FER1L6: variants seen among roughly 807,000 people sequenced by gnomAD.
The protein encoded by FER1L6 is fer-1-like protein 6.
Under a neutral mutation model 219.2 loss-of-function variants are expected in FER1L6, and 177 were observed. The observed-to-expected ratio is 0.81, with a 90% CI of 0.71 to 0.91. FER1L6 has a LOEUF of 0.91. FER1L6 is among the 40% of genes least tolerant of loss of function. FER1L6 has a pLI of 0.00. For missense variants in FER1L6, 2,153 were observed against 2,259.9 expected, an observed-to-expected ratio of 0.95 and a Z score of 0.96; for synonymous variants, 768 against 824.3, an observed-to-expected ratio of 0.93 and a Z score of 1.17.
chr8:123,918,639 A>G (rs769828101), intron 1 of FER1L6, among the ~76,000 whole-genome samples: 41 of 152,052 alleles, frequency 2.7e-4, no homozygotes, highest in Non-Finnish European at 3.2e-4. Context: ...TGGCACAATC[A>G]AAGAACACGG....
chr8:123,857,994 C>T (rs1386981501), intron 1 of FER1L6, among the ~76,000 whole-genome samples: 2 of 152,198 alleles, frequency 1.3e-5, no homozygotes, highest in Non-Finnish European at 2.9e-5. Context: ...TTCCTGCAGG[C>T]ATCCCCACAT....
chr8:123,933,378 CTGTGTGTG>C (rs767541659), intron 1 of FER1L6, among the ~76,000 whole-genome samples: 6 of 130,158 alleles, frequency 4.6e-5, no homozygotes, highest in Non-Finnish European at 1.0e-4. Context: ...ATATGTGTGT[CTGTGTGTG>C]TGTGTGTGTG....
intron 39 of FER1L6, among the ~76,000 whole-genome samples, chr8:124,115,045 G>T (rs1479061462): frequency 1.3e-5 from 2 of 151,064 alleles, no homozygotes; most frequent in African/African-American, 4.9e-5. Context: ...ATTGCTGAAG[G>T]CATGTCCATT....
intron 1 of FER1L6, among the ~76,000 whole-genome samples, chr8:123,871,947 A>G (rs1033254000): frequency 6.6e-6 from 1 of 152,194 alleles, no homozygotes; most frequent in Non-Finnish European, 1.5e-5. Flanking sequence ...TTGCATTGCT[A>G]TAAAGAAATA....
Position 123,997,773 on chromosome 8 carries a change from A to G in FER1L6, c.1520-5394A>G, listed in dbSNP as rs144445667. Among the ~76,000 whole-genome samples, 400 of 151,756 alleles carry G rather than the reference A, an allele frequency of 2.6e-3. 1 individual carries two copies. Among genetic ancestry groups the G allele is most frequent in the African/African-American group, 9.1e-3 (376 of 41,386 alleles). On this transcript the variant is annotated intron_variant, in intron 12 of 40. Coordinates refer to ENST00000522917, the MANE Select transcript of FER1L6 (RefSeq NM_001039112.2). ...GTCTTCAAGCTCACTAATTCTTTCC[A>G]CTTAATTCTGCTGTTAAGAGACTCT... is the stretch of plus-strand genomic sequence containing the variant.
chr8:123,985,314 C>A (rs533069015), intron 11 of FER1L6: 8 of 152,154 alleles, frequency 5.3e-5, no homozygotes, highest in Non-Finnish European at 1.0e-4. Flanking sequence ...GACCTGTGTA[C>A]CCTTCACAGC....
At chr8:124,113,403 C>T (rs1001887884) in intron 39 of FER1L6, among the ~76,000 whole-genome samples, 10 of 152,282 alleles carry the variant, frequency 6.6e-5, no homozygotes, top group Admixed American at 6.5e-4. Flanking sequence ...CATTCTGTCA[C>T]TCTACCCCTA....
intron 15 of FER1L6, among the ~76,000 whole-genome samples, chr8:124,015,398 A>C (rs1253441556): frequency 6.6e-6 from 1 of 151,724 alleles, no homozygotes; most frequent in Non-Finnish European, 1.5e-5. Context: ...TCATAATGGA[A>C]CTAATGGAAA....
At chr8:123,911,782 C>T (rs1045661199) in intron 1 of FER1L6, among the ~76,000 whole-genome samples, 11 of 152,160 alleles carry the variant, frequency 7.2e-5, no homozygotes, top group African/African-American at 1.9e-4. Flanking sequence ...TCAAGGCTCC[C>T]GACTCAGGGC....
intron 1 of FER1L6, among the ~76,000 whole-genome samples, chr8:123,947,606 A>G (rs1814559072): frequency 2.6e-5 from 4 of 152,188 alleles, no homozygotes; most frequent in South Asian, 2.1e-4. Flanking sequence ...TTCAACATTC[A>G]TTGAGCCCTG....
At chr8:123,958,653 A>G (rs752564108) in intron 2 of FER1L6, among the ~76,000 whole-genome samples, 1 of 151,984 alleles carries the variant, frequency 6.6e-6, no homozygotes, top group Non-Finnish European at 1.5e-5. Context: ...TATTGGGACT[A>G]TGACTGAGGT....
chr8:123,963,235 A>G (rs201117731), intron 2 of FER1L6, 43 bp from the exon 3 acceptor site: 80 of 1,610,874 alleles, frequency 5.0e-5, no homozygotes, highest in Non-Finnish European at 6.3e-5. Context: ...TTGCCACCAC[A>G]TGTCAATTTC....
Position 123,973,371 on chromosome 8 carries a change from A to G in FER1L6, c.448-63A>G, listed in dbSNP as rs909093836. The G allele has an allele frequency of 2.0e-5, 27 of 1,343,140 alleles. No individual in the cohort carries two copies. The Admixed American group carries it at 4.4e-4, about 22-fold the overall frequency. The allele number at this position is 1,343,140 out of a possible 1,614,324, so 83.2% of individuals were successfully genotyped here. On this transcript the variant is annotated intron_variant, in intron 6 of 40. Transcript: ENST00000522917. ...GCTCCAGACAGGGTCAAAGCTAGAC[A>G]AGGGTCAAGGCCTCTTATCCTCAAG... is the stretch of plus-strand genomic sequence containing the variant.
intron 2 of FER1L6, among the ~76,000 whole-genome samples, chr8:123,958,965 C>T (rs28620189): frequency 0.34 from 51,229 of 151,486 alleles, 9,051 homozygotes; most frequent in Non-Finnish European, 0.4. Flanking sequence ...GAGAGGGCCA[C>T]GCAGGCAGTA....
intron 1 of FER1L6, among the ~76,000 whole-genome samples, chr8:123,930,296 C>G (rs1169254216): frequency 6.6e-6 from 1 of 152,102 alleles, no homozygotes; most frequent in African/African-American, 2.4e-5. Context: ...CACAAGGATC[C>G]CACATGTTGT....
rs1162973393 is a variant in FER1L6 at position 123,862,292 on chromosome 8, C to T, written c.-8+10107C>T. ...ATGCTGGATTGCATTTATTGATTTG[C>T]GTATAGTGAACCAGCCTTGCATCCC... On this transcript the variant is annotated intron_variant, in intron 1 of 40. Coordinates refer to ENST00000522917, the MANE Select transcript of FER1L6 (RefSeq NM_001039112.2). Among the ~76,000 whole-genome samples, 7 of 96,610 alleles carry T rather than the reference C, an allele frequency of 7.2e-5. 1 individual carries two copies. The highest frequency in any genetic ancestry group is 1.3e-4 in the Non-Finnish European group (6 of 45,714). The allele number at this position is 96,610 out of a possible 152,430, so 63.4% of individuals were successfully genotyped here. A position where few individuals can be genotyped will look rare whatever the true frequency, so the allele number is the denominator to read the frequency against.
At chr8:124,101,602 G>T (rs547610917) in intron 38 of FER1L6, among the ~76,000 whole-genome samples, 12 of 152,336 alleles carry the variant, frequency 7.9e-5, no homozygotes, top group African/African-American at 2.9e-4. Context: ...TTACTGGTCT[G>T]CTCTGTGTCT....
intron 31 of FER1L6, 29 bp downstream of exon 31, chr8:124,071,660 G>T (rs747964464): frequency 3.1e-6 from 5 of 1,601,604 alleles, no homozygotes; most frequent in African/African-American, 2.7e-5. Context: ...CTCTGAGGGG[G>T]TGTATTTATC....
chr8:123,881,750 A>G (rs1156608847), intron 1 of FER1L6, among the ~76,000 whole-genome samples: 5 of 152,278 alleles, frequency 3.3e-5, no homozygotes, highest in African/African-American at 1.2e-4. Flanking sequence ...ACTGGGGAGA[A>G]GAGACAATTT....
Sources: gnomAD v4.1 joint callset for allele counts (sites outside exome capture counted in the v4.1 genomes callset) on GRCh38, gnomAD v4.1.1 for gene constraint, MANE v1.5 for transcripts, NCBI Gene and HGNC (gene_info 2026-07-23, HGNC 2026-07-21) for gene names.